PBX3: variants seen among roughly 807,000 people sequenced by gnomAD.
PBX3 encodes pre-B-cell leukemia transcription factor 3.
In PBX3, 14 loss-of-function variants were observed where a neutral mutation model predicts 48.5. The ratio of observed to expected loss-of-function variants is 0.29; its 90% confidence interval spans 0.19 to 0.45. The LOEUF is 0.45. PBX3 is among the 20% of genes least tolerant of loss of function. PBX3 has a pLI of 1.00. For synonymous variants in PBX3, 210 were observed against 200.3 expected (o/e 1.05, Z -0.41); for missense variants, 386 against 546.7 (o/e 0.71, Z 2.93).
intron 2 of PBX3, among the ~76,000 whole-genome samples, chr9:125,784,022 A>C (rs963496225): frequency 1.3e-5 from 2 of 151,174 alleles, no homozygotes; most frequent in Non-Finnish European, 2.9e-5. Flanking sequence ...ACAAACAAAA[A>C]CCCTTACTTT....
At chr9:125,754,473 GAAGTTA>G (rs1836457255) in intron 2 of PBX3, among the ~76,000 whole-genome samples, 1 of 151,990 alleles carries the variant, frequency 6.6e-6, no homozygotes, top group Non-Finnish European at 1.5e-5. Context: ...CAAAGTTATT[GAAGTTA>G]ATCAGACAAA....
intron 2 of PBX3, among the ~76,000 whole-genome samples, chr9:125,859,911 C>T (rs541232501): frequency 3.9e-5 from 6 of 152,234 alleles, no homozygotes; most frequent in South Asian, 4.1e-4. Context: ...ATTGCCTCTC[C>T]GGTGCTCAAA....
chr9:125,771,163 A>G (rs1050726265), intron 2 of PBX3, among the ~76,000 whole-genome samples: 1 of 152,188 alleles, frequency 6.6e-6, no homozygotes. Context: ...GCTGGTGCAT[A>G]TTTCATTACT....
intron 2 of PBX3, among the ~76,000 whole-genome samples, chr9:125,863,432 G>A (rs778950216): frequency 2.0e-5 from 3 of 151,626 alleles, no homozygotes; most frequent in East Asian, 1.9e-4. Flanking sequence ...GGATTGTCTC[G>A]ATCTCTTGAC....
At chr9:125,918,952 AATAG>A (rs1387304983) in intron 3 of PBX3, among the ~76,000 whole-genome samples, 5 of 152,176 alleles carry the variant, frequency 3.3e-5, no homozygotes, top group Admixed American at 6.5e-5. Context: ...GGATTTCTGA[AATAG>A]ATAGTATTGT....
At position 125,891,997 on chromosome 9, in the gene PBX3, GCA is replaced by G. The variant is rs1311075922; in HGVS notation, c.275-23688_275-23687del. Among the ~76,000 whole-genome samples, 7 of 152,206 alleles carry G rather than the reference GCA, an allele frequency of 4.6e-5. No individual in the cohort carries two copies. The East Asian group carries it at 1.3e-3, about 29-fold the overall frequency. ...TGCATTGGCGTGATCTCGGCTCACTGCAACCTCTGTCTCCCAGATTCAAGCAA... is the reference window on the plus strand; with the variant it reads ...TGCATTGGCGTGATCTCGGCTCACTGACCTCTGTCTCCCAGATTCAAGCAA... On this transcript the variant is annotated intron_variant, in intron 2 of 8. Transcript: ENST00000373489.
At chr9:125,950,759 G>T (rs1303433777) in intron 5 of PBX3, among the ~76,000 whole-genome samples, 3 of 152,128 alleles carry the variant, frequency 2.0e-5, no homozygotes, top group Non-Finnish European at 2.9e-5. Context: ...TGGGATTACA[G>T]GTGTGAGCCA....
At chr9:125,820,515 G>T (rs981809880) in intron 2 of PBX3, among the ~76,000 whole-genome samples, 1 of 152,230 alleles carries the variant, frequency 6.6e-6, no homozygotes, top group Non-Finnish European at 1.5e-5. Context: ...CAGCATTGAA[G>T]AATTTCATAT....
At chr9:125,748,649 C>T in intron 2 of PBX3, 26 bp downstream of exon 2, 2 of 1,593,138 alleles carry the variant, frequency 1.3e-6, no homozygotes, top group Non-Finnish European at 1.7e-6. Context: ...CCGCAGTGGG[C>T]CTGGAGACCC....
chr9:125,861,290 C>T (rs1237164982), intron 2 of PBX3, among the ~76,000 whole-genome samples: 2 of 151,368 alleles, frequency 1.3e-5, no homozygotes, highest in Non-Finnish European at 2.9e-5. Flanking sequence ...TAAAGTGAGA[C>T]CCTGTCTCCA....
intron 2 of PBX3, among the ~76,000 whole-genome samples, chr9:125,777,080 C>A (rs1290452972): frequency 1.3e-5 from 2 of 150,776 alleles, no homozygotes; most frequent in East Asian, 4.0e-4. Context: ...TCTTGGCTCA[C>A]TGCAACCTGC....
chr9:125,906,072 T>TA (rs1841064279), intron 2 of PBX3, among the ~76,000 whole-genome samples: 1 of 152,018 alleles, frequency 6.6e-6, no homozygotes. Flanking sequence ...AGACGAATGT[T>TA]ACATAGGAAT....
intron 2 of PBX3, among the ~76,000 whole-genome samples, chr9:125,884,687 A>G (rs575916957): frequency 6.6e-6 from 1 of 152,328 alleles, no homozygotes; most frequent in Non-Finnish European, 1.5e-5. Flanking sequence ...TTCACACTAA[A>G]TGCCAACAAA....
rs903551699 is a variant in PBX3, at chr9:125,953,158, ATC to A, written c.844-7512_844-7511del. On this transcript the variant is annotated intron_variant, in intron 5 of 8. Coordinates refer to ENST00000373489, the MANE Select transcript of PBX3 (RefSeq NM_006195.6). ...TATACAAAGATGTGCTATAAATTTAATCTCTCTCTCTCTCTTTCTATTAATAA... is the reference window on the plus strand; with the variant it reads ...TATACAAAGATGTGCTATAAATTTAATCTCTCTCTCTCTTTCTATTAATAA... Among the ~76,000 whole-genome samples the A allele has an allele frequency of 2.4e-4, 37 of 151,538 alleles. No homozygotes were observed. In the South Asian group the frequency reaches 5.2e-3, roughly 21 times the overall value.
intron 2 of PBX3, among the ~76,000 whole-genome samples, chr9:125,889,264 C>T (rs1840577656): frequency 6.6e-6 from 1 of 152,212 alleles, no homozygotes; most frequent in African/African-American, 2.4e-5. Context: ...CTTTCCCTCT[C>T]TGGCTGTGGG....
Position 125,929,809 on chromosome 9 carries a change from C to G in PBX3, c.671C>G (p.Ala224Gly). The change falls in exon 4 of 9, where the codon GCA becomes GGA. Residue 224 changes from alanine to glycine, a missense_variant. Around this residue, in one of 4 missense-constraint regions of PBX3, gnomAD observed 74 missense variants for 206.1 expected, o/e 0.36. Transcript: ENST00000373489. The stretch of plus-strand genomic sequence containing the variant: ...CAGCTCAAACAAAGCACTTGTGAAG[C>G]AGTTATGATTTTAAGATCAAGGTTC... ...QMQLKQSTCE[A>G]VMILRSRFLD... 1 of 1,613,916 alleles carries G rather than the reference C, an allele frequency of 6.2e-7. No homozygotes were observed.
At chr9:125,937,837 T>G (rs1841872777) in intron 5 of PBX3, among the ~76,000 whole-genome samples, 1 of 152,050 alleles carries the variant, frequency 6.6e-6, no homozygotes, top group Non-Finnish European at 1.5e-5. Context: ...ATTTTTAAAT[T>G]TTTTGTACAG....
At chr9:125,792,294 G>T (rs1837636255) in intron 2 of PBX3, among the ~76,000 whole-genome samples, 1 of 152,154 alleles carries the variant, frequency 6.6e-6, no homozygotes, top group African/African-American at 2.4e-5. Flanking sequence ...ATTTTCAAAG[G>T]AACAGATCCT....
intron 2 of PBX3, among the ~76,000 whole-genome samples, chr9:125,846,079 G>A (rs1839420383): frequency 6.6e-6 from 1 of 151,984 alleles, no homozygotes; most frequent in Admixed American, 6.6e-5. Flanking sequence ...AGATTTATGT[G>A]GGTTGAAGAT....
Sources: gnomAD v4.1 joint callset for allele counts (sites outside exome capture counted in the v4.1 genomes callset) on GRCh38, gnomAD v4.1.1 for gene constraint, gnomAD v4.1.1 regional missense constraint, MANE v1.5 for transcripts, NCBI Gene and HGNC (gene_info 2026-07-23, HGNC 2026-07-21) for gene names.